TXK: variants seen among roughly 807,000 people sequenced by gnomAD.
The protein encoded by TXK is TXK tyrosine kinase.
Under a neutral mutation model 81.0 loss-of-function variants are expected in TXK, and 60 were observed. The observed-to-expected ratio is 0.74, with a 90% CI of 0.60 to 0.92. The LOEUF is 0.92. Ranked by LOEUF, TXK falls within the 40% of genes least tolerant of loss-of-function variation. The probability of loss-of-function intolerance (pLI) is 0.00; values close to 1 mark genes in which losing one functional copy is unlikely to be tolerated. For synonymous variants in TXK, 203 were observed against 210.7 expected, an observed-to-expected ratio of 0.96 and a Z score of 0.32; for missense variants, 581 against 638.3, an observed-to-expected ratio of 0.91 and a Z score of 0.97.
intron 1 of TXK, among the ~76,000 whole-genome samples, chr4:48,119,876 A>G (rs113787962): frequency 4.6e-5 from 7 of 152,238 alleles, no homozygotes; most frequent in African/African-American, 1.7e-4. Context: ...CCCCAAATAG[A>G]TCTGTATCTA....
At chr4:48,106,968 T>C (rs1718478428) in intron 5 of TXK, among the ~76,000 whole-genome samples, 1 of 152,172 alleles carries the variant, frequency 6.6e-6, no homozygotes, top group African/African-American at 2.4e-5. Context: ...ATAAGTTTAG[T>C]TTATTAGATT....
chr4:48,104,894 G>A lies in TXK; in HGVS notation c.501+7C>T, dbSNP rs1236738695. The A allele has an allele frequency of 1.3e-6, 2 of 1,586,580 alleles. No homozygotes were observed. The highest frequency in any genetic ancestry group is 3.5e-5 in the Admixed American group (2 of 56,624). Reference sequence around the variant, plus strand: ...TTTTGAAAATGTCCACAAATACATTGAATTACCTCTTGTCTCAATAGATGT... The same window carrying A: ...TTTTGAAAATGTCCACAAATACATTAAATTACCTCTTGTCTCAATAGATGT... On this transcript the variant is annotated splice_region_variant and intron_variant, in intron 6 of 14. Coordinates refer to ENST00000264316, the MANE Select transcript of TXK (RefSeq NM_003328.3).
intron 1 of TXK, among the ~76,000 whole-genome samples, chr4:48,131,236 A>G (rs996361184): frequency 6.6e-6 from 1 of 152,154 alleles, no homozygotes; most frequent in Non-Finnish European, 1.5e-5. Context: ...CCCACCCTAT[A>G]GCAGCCTTTG....
chr4:48,084,283 AG>A (rs1411114969), intron 10 of TXK, among the ~76,000 whole-genome samples: 1 of 151,410 alleles, frequency 6.6e-6, no homozygotes, highest in East Asian at 1.9e-4. Context: ...TTGTAGAGAC[AG>A]GGTTTCGCCA....
intron 6 of TXK, among the ~76,000 whole-genome samples, chr4:48,098,030 A>G (rs748723682): frequency 6.6e-6 from 1 of 152,188 alleles, no homozygotes; most frequent in African/African-American, 2.4e-5. Context: ...TACAGGCATG[A>G]GCCACCACGC....
At chr4:48,076,784 A>T (rs1421780828) in intron 11 of TXK, among the ~76,000 whole-genome samples, 1 of 152,058 alleles carries the variant, frequency 6.6e-6, no homozygotes, top group Non-Finnish European at 1.5e-5. Context: ...ACACATCACC[A>T]CACCCAGCTA....
intron 6 of TXK, among the ~76,000 whole-genome samples, chr4:48,098,301 A>G (rs1718063018): frequency 6.6e-6 from 1 of 152,232 alleles, no homozygotes; most frequent in East Asian, 1.9e-4. Context: ...AATAAATCCC[A>G]TGGCACAAAC....
rs1395086007 is a variant in TXK at position 48,086,457 on chromosome 4, T to C, written c.956+9A>G. 1.2e-6 allele frequency: 2 copies of C among 1,613,880 alleles called. No individual in the cohort carries two copies. Among genetic ancestry groups the C allele is most frequent in the South Asian group, 1.1e-5 (1 of 91,064 alleles). ...GTATGATATTTATCAGGGTGTTGTTTATACGTACATCATCACTTTGGCCTC... is the reference window on the plus strand; with the variant it reads ...GTATGATATTTATCAGGGTGTTGTTCATACGTACATCATCACTTTGGCCTC... On this transcript the variant is annotated intron_variant, in intron 10 of 14. Transcript: ENST00000264316.
intron 6 of TXK, among the ~76,000 whole-genome samples, chr4:48,096,681 A>T (rs913231015): frequency 6.6e-6 from 1 of 152,032 alleles, no homozygotes. Flanking sequence ...GGCACATGCC[A>T]CCATGCCTGG....
At chr4:48,117,764 T>A (rs1718851261) in intron 1 of TXK, among the ~76,000 whole-genome samples, 1 of 152,240 alleles carries the variant, frequency 6.6e-6, no homozygotes, top group South Asian at 2.1e-4. Context: ...GGTTTAAGAC[T>A]TTATTGTATC....
chr4:48,108,679 GTT>G (rs1718538259), intron 5 of TXK, among the ~76,000 whole-genome samples: 1 of 152,092 alleles, frequency 6.6e-6, no homozygotes, highest in African/African-American at 2.4e-5. Flanking sequence ...TGAAAAATGA[GTT>G]TTCTCATAAT....
intron 2 of TXK, 145 bp downstream of exon 2, chr4:48,114,203 A>T: frequency 1.4e-6 from 1 of 736,394 alleles, no homozygotes; most frequent in Non-Finnish European, 2.3e-6. Flanking sequence ...AGACCTGTAA[A>T]CAAATAGGCA....
In TXK at chr4:48,100,223, C is replaced by A. The variant is rs548554833; in HGVS notation, c.501+4678G>T. ...CATAAAATAAAACCACTAAAGCGATCAAGAAACATGAGAATTTTAATAGTC... is the reference window on the plus strand; with the variant it reads ...CATAAAATAAAACCACTAAAGCGATAAAGAAACATGAGAATTTTAATAGTC... On this transcript the variant is annotated intron_variant, in intron 6 of 14. Coordinates refer to ENST00000264316, the MANE Select transcript of TXK (RefSeq NM_003328.3). Among the ~76,000 whole-genome samples the A allele has an allele frequency of 3.6e-5, 5 of 138,694 alleles. No individual in the cohort carries two copies. The South Asian group carries it at 7.2e-4, about 20-fold the overall frequency. 91.0% of individuals were successfully genotyped at this position (138,694 alleles called of 152,430 possible). A position where few individuals can be genotyped will look rare whatever the true frequency, so the allele number is the denominator to read the frequency against.
intron 9 of TXK, among the ~76,000 whole-genome samples, chr4:48,087,450 T>C (rs1340632987): frequency 6.6e-6 from 1 of 151,952 alleles, no homozygotes; most frequent in Non-Finnish European, 1.5e-5. Context: ...TATTTTTTTT[T>C]TTGGAGGAAG....
chr4:48,092,616 C>T (rs1717821395), intron 8 of TXK, among the ~76,000 whole-genome samples: 1 of 68,240 alleles, frequency 1.5e-5, no homozygotes, highest in Admixed American at 1.8e-4. Flanking sequence ...AGAGTTAGGG[C>T]AGCAGGAGGA....
chr4:48,067,601 G>T lies in TXK; in HGVS notation c.*36C>A, dbSNP rs376179943. On this transcript the variant is annotated 3_prime_UTR_variant, in exon 15 of 15. Transcript: ENST00000264316. ...GATATTCACAATAAATGACAGTTTT[G>T]CAAGATGACTCTTTGGGTTGGCATT... The T allele has an allele frequency of 1.5e-5, 24 of 1,602,542 alleles. No individual in the cohort carries two copies. Among genetic ancestry groups the T allele is most frequent in the Non-Finnish European group, 2.0e-5 (23 of 1,169,560 alleles).
chr4:48,121,424 A>G (rs1249220293), intron 1 of TXK, among the ~76,000 whole-genome samples: 1 of 152,142 alleles, frequency 6.6e-6, no homozygotes, highest in Non-Finnish European at 1.5e-5. Context: ...ACACAGGCCA[A>G]TTTATCAAGA....
At chr4:48,097,983 G>A (rs1285057508) in intron 6 of TXK, among the ~76,000 whole-genome samples, 1 of 151,892 alleles carries the variant, frequency 6.6e-6, no homozygotes, top group African/African-American at 2.4e-5. Flanking sequence ...TCCTCACCTT[G>A]CGATCCGCCC....
chr4:48,110,527 A>G lies in TXK; in HGVS notation c.446+11T>C. The G allele has an allele frequency of 6.3e-7, 1 of 1,589,636 alleles. No homozygotes were observed. The highest frequency in any genetic ancestry group is 8.6e-7 in the Non-Finnish European group (1 of 1,158,764). ...CTGATTTTCATAGGTTATATTTTGG[A>G]GAAGACTTACTCATATATTTCTAAA... is the stretch of plus-strand genomic sequence containing the variant. On this transcript the variant is annotated intron_variant, in intron 5 of 14. Transcript: ENST00000264316.
Sources: allele counts gnomAD v4.1 joint callset (sites outside exome capture counted in the v4.1 genomes callset), GRCh38; gene constraint gnomAD v4.1.1; transcripts MANE v1.5; gene names NCBI Gene and HGNC (gene_info 2026-07-23, HGNC 2026-07-21).